Variants in TPD52 observed in about 807,000 individuals in gnomAD.
TPD52 encodes the protein tumor protein D52.
In TPD52, 17 loss-of-function variants were observed where a neutral mutation model predicts 31.3. That is an observed-to-expected ratio of 0.54 (90% CI 0.37 to 0.82). TPD52 has a LOEUF of 0.82. TPD52 is among the 40% of genes least tolerant of loss of function. The pLI, the probability that TPD52 is intolerant of heterozygous loss-of-function variation, is 0.00. For missense variants in TPD52, 212 were observed against 240.1 expected (o/e 0.88, Z 0.77); for synonymous variants, 83 against 89.6 (o/e 0.93, Z 0.42).
chr8:80,040,085 T>C (rs562884592), intron 7 of TPD52, among the ~76,000 whole-genome samples: 6 of 152,202 alleles, frequency 3.9e-5, no homozygotes, highest in African/African-American at 1.4e-4. Context: ...ATGGACCTCA[T>C]GTTTAATTAA....
chr8:80,165,095 T>C (rs1028165282), intron 1 of TPD52, among the ~76,000 whole-genome samples: 1 of 151,984 alleles, frequency 6.6e-6, no homozygotes. Flanking sequence ...GAAAATGCCA[T>C]GTAGATTGTA....
intron 1 of TPD52, among the ~76,000 whole-genome samples, chr8:80,161,733 T>TA (rs1491187742): frequency 0.091 from 2,603 of 28,632 alleles, 24 homozygotes; most frequent in South Asian, 0.18. Flanking sequence ...TATATATATA[T>TA]TTTTTTTTTT....
chr8:80,128,377 G>A (rs554889483), intron 1 of TPD52, among the ~76,000 whole-genome samples: 6 of 150,878 alleles, frequency 4.0e-5, no homozygotes, highest in South Asian at 4.2e-4. Context: ...ATCATTGGCC[G>A]GGAGCAGTGG....
intron 1 of TPD52, among the ~76,000 whole-genome samples, chr8:80,131,848 G>A (rs551280088): frequency 6.6e-6 from 1 of 152,106 alleles, no homozygotes; most frequent in African/African-American, 2.4e-5. Context: ...TTTGGAGACA[G>A]ATTTTCTATG....
intron 1 of TPD52, among the ~76,000 whole-genome samples, chr8:80,070,738 G>A (rs1042230153): frequency 3.9e-5 from 6 of 152,132 alleles, no homozygotes; most frequent in Non-Finnish European, 8.8e-5. Flanking sequence ...AGAAAACTGA[G>A]GACAGATTTT....
At position 80,035,218 on chromosome 8, in the gene TPD52, A is replaced by G. The variant is rs886997119; in HGVS notation, c.*2898T>C. On this transcript the variant is annotated 3_prime_UTR_variant, in exon 8 of 8. Coordinates refer to ENST00000518937, the MANE Select transcript of TPD52 (RefSeq NM_001025253.3). ...AAAACACATGGCCGGGTGCATGCCT[A>G]TAGTCCTAGCTATTTGGGAAGCTAA... The G allele has an allele frequency of 1.3e-5, 2 of 152,218 alleles. No individual in the cohort carries two copies. The highest frequency in any genetic ancestry group is 2.4e-5 in the African/African-American group (1 of 41,440). The allele number at this position is 152,218 out of a possible 1,614,324, so 9.4% of individuals were successfully genotyped here.
intron 1 of TPD52, among the ~76,000 whole-genome samples, chr8:80,133,873 AG>A (rs1382212575): frequency 1.3e-5 from 2 of 152,198 alleles, no homozygotes; most frequent in African/African-American, 2.4e-5. Flanking sequence ...GAAGAATAAC[AG>A]GGTCACTTTT....
At chr8:80,053,517 A>T (rs1017765082) in intron 2 of TPD52, 87 bp from the exon 3 acceptor site, 3 of 1,373,670 alleles carry the variant, frequency 2.2e-6, no homozygotes, top group Non-Finnish European at 3.0e-6. Flanking sequence ...CCAAAATTCC[A>T]GTCATTAAAC....
intron 1 of TPD52, among the ~76,000 whole-genome samples, chr8:80,104,397 A>C (rs1399150082): frequency 6.6e-6 from 1 of 151,570 alleles, no homozygotes; most frequent in Non-Finnish European, 1.5e-5. Flanking sequence ...GGAAGTTTTT[A>C]CCTAAACAAA....
At chr8:80,057,744 A>G (rs1312873095) in intron 2 of TPD52, among the ~76,000 whole-genome samples, 2 of 152,286 alleles carry the variant, frequency 1.3e-5, no homozygotes, top group Non-Finnish European at 2.9e-5. Flanking sequence ...TAGAAGCCCA[A>G]ACCTCAACAT....
intron 1 of TPD52, among the ~76,000 whole-genome samples, chr8:80,072,750 T>A (rs1169424924): frequency 6.7e-6 from 1 of 150,324 alleles, no homozygotes; most frequent in African/African-American, 2.5e-5. Flanking sequence ...CACACACATA[T>A]ATACATATAT....
chr8:80,063,771 T>A (rs951971358), intron 2 of TPD52, among the ~76,000 whole-genome samples: 1 of 151,762 alleles, frequency 6.6e-6, no homozygotes, highest in Non-Finnish European at 1.5e-5. Context: ...CACTCCAGCC[T>A]GGGCAACAGA....
At chr8:80,123,441 T>C (rs2131040387) in intron 1 of TPD52, among the ~76,000 whole-genome samples, 1 of 152,298 alleles carries the variant, frequency 6.6e-6, no homozygotes, top group South Asian at 2.1e-4. Flanking sequence ...GAAAAATATA[T>C]TCCAGCCGGG....
chr8:80,041,960 G>A (rs906771598), intron 7 of TPD52, among the ~76,000 whole-genome samples: 7 of 152,072 alleles, frequency 4.6e-5, no homozygotes, highest in East Asian at 3.9e-4. Context: ...GTGGTGGCAC[G>A]CGCCTGTAGT....
chr8:80,160,645 T>TA (rs1811281834), intron 1 of TPD52, among the ~76,000 whole-genome samples: 4 of 151,958 alleles, frequency 2.6e-5, no homozygotes, highest in Admixed American at 2.6e-4. Context: ...CACTTTCCAC[T>TA]ACTGTCAACA....
At position 80,035,429 on chromosome 8, in the gene TPD52, A is replaced by C. The variant is rs1809833972; in HGVS notation, c.*2687T>G. 6.6e-6 allele frequency: 1 copy of C among 152,230 alleles called. No individual in the cohort carries two copies. The highest frequency in any genetic ancestry group is 2.1e-4 in the South Asian group (1 of 4,838). 9.4% of individuals were successfully genotyped at this position (152,230 alleles called of 1,614,324 possible). A position where few individuals can be genotyped will look rare whatever the true frequency, so the allele number is the denominator to read the frequency against. On this transcript the variant is annotated 3_prime_UTR_variant, in exon 8 of 8. Coordinates refer to ENST00000518937, the MANE Select transcript of TPD52 (RefSeq NM_001025253.3). The stretch of plus-strand genomic sequence containing the variant: ...ATGGCTCTTTAAGTATCATATCCAG[A>C]ATATGAAGGGTTTGGAGAGAAGTTG...
At chr8:80,138,189 C>T (rs1586375015) in intron 1 of TPD52, among the ~76,000 whole-genome samples, 1 of 152,156 alleles carries the variant, frequency 6.6e-6, no homozygotes, top group Non-Finnish European at 1.5e-5. Flanking sequence ...GTGATCCGCT[C>T]GCCTCAGCCT....
intron 1 of TPD52, among the ~76,000 whole-genome samples, chr8:80,119,534 G>C (rs138529412): frequency 2.0e-5 from 3 of 152,092 alleles, no homozygotes; most frequent in Admixed American, 6.5e-5. Context: ...AGTTTTCTGG[G>C]GGAAAAAAAG....
chr8:80,151,003 C>T (rs1810532493), intron 1 of TPD52, among the ~76,000 whole-genome samples: 1 of 152,178 alleles, frequency 6.6e-6, no homozygotes, highest in Non-Finnish European at 1.5e-5. Flanking sequence ...CCACCCAAAT[C>T]TCATCTTGAA....
Sources: gnomAD v4.1 joint callset for allele counts (sites outside exome capture counted in the v4.1 genomes callset) on GRCh38, gnomAD v4.1.1 for gene constraint, MANE v1.5 for transcripts, NCBI Gene and HGNC (gene_info 2026-07-23, HGNC 2026-07-21) for gene names.